ANKRD36C: variants seen among roughly 807,000 people sequenced by gnomAD.
ANKRD36C encodes ankyrin repeat domain 36C, also known as ankyrin repeat domain-containing protein 36C.
ANKRD36C carries 61 observed loss-of-function variants against 276.4 expected under a neutral mutation model. That is an observed-to-expected ratio of 0.22 (90% CI 0.18 to 0.27). The LOEUF (loss-of-function observed/expected upper bound fraction) is 0.27. ANKRD36C is among the 10% of genes least tolerant of loss of function. The pLI is 1.00. For missense variants in ANKRD36C, 1,447 were observed against 2,032.3 expected, an observed-to-expected ratio of 0.71 and a Z score of 5.54; for synonymous variants, 483 against 680.1, an observed-to-expected ratio of 0.71 and a Z score of 4.51.
At chr2:95,940,088 G>A (rs548145070) in intron 20 of ANKRD36C, among the ~76,000 whole-genome samples, 4 of 152,256 alleles carry the variant, frequency 2.6e-5, no homozygotes, top group East Asian at 1.9e-4. Context: ...GCACAATCTC[G>A]GCTCACAGCA....
chr2:95,874,148 A>T (rs1484106491), intron 59 of ANKRD36C, among the ~76,000 whole-genome samples: 1 of 152,082 alleles, frequency 6.6e-6, no homozygotes, highest in Non-Finnish European at 1.5e-5. Context: ...AAGCTCCCAA[A>T]GACTTTCTTC....
At chr2:95,871,392 C>A (rs1172723011) in intron 59 of ANKRD36C, among the ~76,000 whole-genome samples, 1 of 151,986 alleles carries the variant, frequency 6.6e-6, no homozygotes, top group Non-Finnish European at 1.5e-5. Context: ...ATTTTCAACC[C>A]AGAATTTCAT....
At chr2:95,926,053 G>A (rs1256996328) in intron 28 of ANKRD36C, among the ~76,000 whole-genome samples, 1 of 151,450 alleles carries the variant, frequency 6.6e-6, no homozygotes, top group Non-Finnish European at 1.5e-5. Context: ...ACAAGTCCTC[G>A]GTGGAAGTGG....
intron 4 of ANKRD36C, 76 bp downstream of exon 4, chr2:95,982,180 G>A: frequency 8.9e-7 from 1 of 1,117,904 alleles, no homozygotes; most frequent in Non-Finnish European, 1.3e-6. Flanking sequence ...TGTAAAATTT[G>A]TGACTTCAGT....
At chr2:95,871,546 C>T (rs2104297216) in intron 59 of ANKRD36C, among the ~76,000 whole-genome samples, 1 of 152,182 alleles carries the variant, frequency 6.6e-6, no homozygotes, top group South Asian at 2.1e-4. Flanking sequence ...CAACCGGTAC[C>T]AGCCACTGCA....
chr2:95,912,872 T>A (rs1264810566), intron 40 of ANKRD36C, among the ~76,000 whole-genome samples: 3 of 151,460 alleles, frequency 2.0e-5, no homozygotes, highest in African/African-American at 7.3e-5. Flanking sequence ...CTCTTTAACT[T>A]GACCAATAAC....
chr2:95,928,958 G>C, intron 26 of ANKRD36C, 114 bp downstream of exon 26: 3 of 1,500,572 alleles, frequency 2.0e-6, no homozygotes, highest in Non-Finnish European at 1.8e-6. Context: ...AGAATCTCAG[G>C]CATACTGAAT....
chr2:95,873,124 T>G (rs771427682), intron 59 of ANKRD36C, among the ~76,000 whole-genome samples: 1 of 152,104 alleles, frequency 6.6e-6, no homozygotes, highest in Non-Finnish European at 1.5e-5. Context: ...CTGAAACTAT[T>G]CCAATCAATA....
chr2:95,893,786 T>G (rs1296404224), intron 44 of ANKRD36C, 62 bp from the exon 63 acceptor site: 1 of 1,600,590 alleles, frequency 6.2e-7, no homozygotes, highest in Non-Finnish European at 8.5e-7. Context: ...ATCCATAGAT[T>G]CATGCAGAGT....
At chr2:95,917,181 A>G (rs1677124182) in intron 36 of ANKRD36C, among the ~76,000 whole-genome samples, 1 of 151,596 alleles carries the variant, frequency 6.6e-6, no homozygotes, top group Non-Finnish European at 1.5e-5. Flanking sequence ...GCCTAATAGT[A>G]ACAAAAAGAA....
chr2:95,875,302 T>C (rs991455997), intron 59 of ANKRD36C, among the ~76,000 whole-genome samples: 1 of 151,888 alleles, frequency 6.6e-6, no homozygotes, highest in African/African-American at 2.4e-5. Context: ...AATGATAACC[T>C]GGATTAAGAA....
In ANKRD36C at chr2:95,982,364, TG is replaced by T; in HGVS notation, c.487-3del. On this transcript the variant is annotated splice_polypyrimidine_tract_variant and splice_region_variant and intron_variant, in intron 3 of 66. Coordinates refer to ENST00000456556, the Ensembl canonical transcript of ANKRD36C. ...AAGGAACAGTGGCGGATATTCATCC[TG>T]TAAAATAACAGCAACAATTTATAAT... 6.5e-7 allele frequency: 1 copy of T among 1,536,596 alleles called. No homozygotes were observed. The highest frequency in any genetic ancestry group is 8.8e-7 in the Non-Finnish European group (1 of 1,140,246).
At chr2:95,926,852 A>G (rs1358294085) in intron 28 of ANKRD36C, among the ~76,000 whole-genome samples, 2 of 151,490 alleles carry the variant, frequency 1.3e-5, no homozygotes, top group African/African-American at 4.8e-5. Context: ...TAATTTCTCC[A>G]TCTGTTTTTA....
chr2:95,916,112 T>C (rs1384183253), intron 37 of ANKRD36C, 31 bp downstream of exon 39: 4 of 1,605,240 alleles, frequency 2.5e-6, no homozygotes, highest in East Asian at 2.2e-5. Flanking sequence ...ATACGTTTAC[T>C]AGCTCACAAT....
At position 95,914,635 on chromosome 2, in the gene ANKRD36C, G is replaced by A. The variant is rs189458654; in HGVS notation, c.2450-332C>T. Among the ~76,000 whole-genome samples the A allele has an allele frequency of 1.2e-3, 178 of 151,552 alleles. 3 individuals carry two copies. The highest frequency in any genetic ancestry group is 4.1e-3 in the African/African-American group (169 of 41,432). ...TCAGAGGAGAAACTCACACACCTGAGAATCAATGTCAAAGCAGGTGCTACA... is the reference window on the plus strand; with the variant it reads ...TCAGAGGAGAAACTCACACACCTGAAAATCAATGTCAAAGCAGGTGCTACA... On this transcript the variant is annotated intron_variant, in intron 38 of 66. Transcript: ENST00000456556.
chr2:95,918,657 G>T (rs561686154), intron 34 of ANKRD36C, among the ~76,000 whole-genome samples: 6 of 151,712 alleles, frequency 4.0e-5, no homozygotes, highest in South Asian at 2.1e-4. Flanking sequence ...AAGTTTCTTG[G>T]ATCCACTAGT....
In ANKRD36C at chr2:95,913,712, G is replaced by A. The variant is rs1270792362; in HGVS notation, c.2551+396C>T. ...GGGGTCTCCTTAGTTCTCCTACAGTGTCTATGGGTTGTTACAAGCTTTCTG... is the reference window on the plus strand; with the variant it reads ...GGGGTCTCCTTAGTTCTCCTACAGTATCTATGGGTTGTTACAAGCTTTCTG... On this transcript the variant is annotated intron_variant, in intron 40 of 66. Transcript: ENST00000456556. Among the ~76,000 whole-genome samples, 3 of 151,388 alleles carry A rather than the reference G, an allele frequency of 2.0e-5. No homozygotes were observed. In the East Asian group the frequency reaches 5.9e-4, roughly 30 times the overall value.
intron 62 of ANKRD36C, among the ~76,000 whole-genome samples, chr2:95,856,912 CA>C (rs1249532254): frequency 6.6e-6 from 1 of 151,894 alleles, no homozygotes; most frequent in Non-Finnish European, 1.5e-5. Context: ...TTCAAGACAC[CA>C]AAAGTCAAGA....
rs546071601 is a variant in ANKRD36C at position 95,884,167 on chromosome 2, A to T, written c.3265+6T>A. On this transcript the variant is annotated splice_donor_region_variant and intron_variant, in intron 54 of 66. Coordinates refer to ENST00000456556, the Ensembl canonical transcript of ANKRD36C. ...ACATGACATTAAATGTGTTTTGCAA[A>T]ATTACCTGTCCCAGATTTTTCTCCA... The T allele has an allele frequency of 3.7e-6, 6 of 1,605,360 alleles. No homozygotes were observed. The highest frequency in any genetic ancestry group is 5.1e-6 in the Non-Finnish European group (6 of 1,176,104).
Sources: gnomAD v4.1 joint callset for allele counts (sites outside exome capture counted in the v4.1 genomes callset) on GRCh38, gnomAD v4.1.1 for gene constraint, MANE v1.5 for transcripts, NCBI Gene and HGNC (gene_info 2026-07-23, HGNC 2026-07-21) for gene names.